CD247: variants seen among roughly 807,000 people sequenced by gnomAD.
The protein encoded by CD247 is T-cell surface glycoprotein CD3 zeta chain.
In CD247, 13 loss-of-function variants were observed where a neutral mutation model predicts 30.0. The ratio of observed to expected loss-of-function variants is 0.43; its 90% CI spans 0.28 to 0.69. CD247 has a LOEUF of 0.69. Among genes scored for constraint, CD247 ranks in the 30% least tolerant of loss-of-function variants. CD247 has a pLI of 0.16. For synonymous variants in CD247, 72 were observed against 80.0 expected, an observed-to-expected ratio of 0.90 and a Z score of 0.53; for missense variants, 193 against 212.6, an observed-to-expected ratio of 0.91 and a Z score of 0.57.
chr1:167,489,848 G>A (rs1034571356), intron 1 of CD247, among the ~76,000 whole-genome samples: 1 of 152,148 alleles, frequency 6.6e-6, no homozygotes, highest in Non-Finnish European at 1.5e-5. Context: ...ATGCATTTGC[G>A]CCTTCAAAAG....
intron 1 of CD247, among the ~76,000 whole-genome samples, chr1:167,466,880 C>T (rs1450235458): frequency 6.6e-6 from 1 of 151,560 alleles, no homozygotes; most frequent in Non-Finnish European, 1.5e-5. Context: ...CGCTCTGTCG[C>T]CCAGGCTGGA....
intron 1 of CD247, among the ~76,000 whole-genome samples, chr1:167,501,053 CTTTTTT>C (rs569489236): frequency 2.4e-5 from 3 of 124,360 alleles, no homozygotes; most frequent in Non-Finnish European, 5.1e-5. Context: ...TCCTATTGTT[CTTTTTT>C]TTTTTTTTTT....
intron 1 of CD247, among the ~76,000 whole-genome samples, chr1:167,452,825 G>A (rs1652419159): frequency 6.6e-6 from 1 of 151,898 alleles, no homozygotes; most frequent in African/African-American, 2.4e-5. Flanking sequence ...CCCAACGCCA[G>A]TGGACAAGTC....
At chr1:167,466,893 G>A (rs1475336086) in intron 1 of CD247, among the ~76,000 whole-genome samples, 2 of 151,536 alleles carry the variant, frequency 1.3e-5, no homozygotes, top group African/African-American at 4.9e-5. Context: ...AGGCTGGAGT[G>A]CAGTGGCGCA....
At chr1:167,451,940 C>A (rs778941842) in intron 1 of CD247, among the ~76,000 whole-genome samples, 3 of 151,948 alleles carry the variant, frequency 2.0e-5, no homozygotes, top group Non-Finnish European at 4.4e-5. Context: ...AACCCCAACT[C>A]GGCCGGGTGC....
At chr1:167,463,405 C>T (rs1558009637) in intron 1 of CD247, among the ~76,000 whole-genome samples, 1 of 152,152 alleles carries the variant, frequency 6.6e-6, no homozygotes, top group Non-Finnish European at 1.5e-5. Flanking sequence ...ACCTAAAGCC[C>T]CTCATATCTG....
chr1:167,459,242 T>C (rs947887978), intron 1 of CD247, among the ~76,000 whole-genome samples: 1 of 152,140 alleles, frequency 6.6e-6, no homozygotes, highest in African/African-American at 2.4e-5. Context: ...CCTTTAGATA[T>C]GTTTTCAGGT....
intron 1 of CD247, among the ~76,000 whole-genome samples, chr1:167,464,668 G>A (rs1653162142): frequency 6.6e-6 from 1 of 152,134 alleles, no homozygotes; most frequent in African/African-American, 2.4e-5. Flanking sequence ...GGGGAAACAG[G>A]GTGAGTAGAA....
intron 1 of CD247, among the ~76,000 whole-genome samples, chr1:167,461,772 T>C (rs910373890): frequency 6.6e-6 from 1 of 151,886 alleles, no homozygotes; most frequent in Non-Finnish European, 1.5e-5. Flanking sequence ...CGCTTGAACC[T>C]GGGAGGCAGA....
rs373120668 is a variant in CD247 at position 167,435,448 on chromosome 1, C to T, written c.301-14G>A. ...CTTCCTTCTCTGCTAGGAAAGACAACGGGAAGACGTTAGAGGGAGAGAAAC... is the reference window on the plus strand; with the variant it reads ...CTTCCTTCTCTGCTAGGAAAGACAATGGGAAGACGTTAGAGGGAGAGAAAC... On this transcript the variant is annotated splice_polypyrimidine_tract_variant and intron_variant, in intron 4 of 7. Transcript: ENST00000362089. 219 of 1,609,262 alleles carry T rather than the reference C, an allele frequency of 1.4e-4. No individual in the cohort carries two copies. The African/African-American group carries it at 2.6e-3, about 19-fold the overall frequency.
In CD247 at chr1:167,431,733, G is replaced by T. The variant is rs762773775; in HGVS notation, c.443C>A (p.Ala148Asp). Residue 148 changes from alanine (A) to aspartate (D), a missense_variant, in exon 8 of 8, where the codon GCC (alanine) becomes GAC (aspartate). Coordinates refer to ENST00000362089, the MANE Select transcript of CD247 (RefSeq NM_198053.3). ...AAGGGCGTCGTAGGTGTCCTTGGTG[G>T]CTGTACTGAGACCCTGGCGTGAAAG... is the stretch of plus-strand genomic sequence containing the variant. ...HDGLYQGLST[A>D]TKDTYDALHM... is the part of the protein sequence containing the mutation. The T allele has an allele frequency of 6.2e-7, 1 of 1,613,990 alleles. No homozygotes were observed. Among genetic ancestry groups the T allele is most frequent in the East Asian group, 2.2e-5 (1 of 44,866 alleles).
intron 1 of CD247, among the ~76,000 whole-genome samples, chr1:167,479,567 C>G (rs963551866): frequency 6.6e-6 from 1 of 152,168 alleles, no homozygotes; most frequent in Admixed American, 6.5e-5. Context: ...CCCAGGAGTT[C>G]AGGTTTGTTT....
intron 1 of CD247, among the ~76,000 whole-genome samples, chr1:167,459,144 A>T (rs1035826791): frequency 6.6e-6 from 1 of 150,710 alleles, no homozygotes; most frequent in African/African-American, 2.4e-5. Flanking sequence ...CAAAAATTTT[A>T]AAAAAAAAAA....
intron 1 of CD247, among the ~76,000 whole-genome samples, chr1:167,490,249 C>A (rs568955243): frequency 2.6e-5 from 4 of 152,334 alleles, no homozygotes; most frequent in African/African-American, 9.6e-5. Flanking sequence ...CTCCACCTTC[C>A]CCGTCATCTG....
rs1260981342 is a variant in CD247, at chr1:167,494,398, G to T, written c.58+24010C>A. 6.6e-6 allele frequency among the ~76,000 whole-genome samples: 1 copy of T among 152,124 alleles called. No homozygotes were observed. Among genetic ancestry groups the T allele is most frequent in the Admixed American group, 6.6e-5 (1 of 15,262 alleles). On this transcript the variant is annotated intron_variant, in intron 1 of 7. Transcript: ENST00000362089. This position sits in a 1 kb window ranked among gnomAD's most constrained non-coding sequence, Gnocchi z 7.3. ...GACTGTTGGGTTGACTTGGATTTGG[G>T]GTCAATAAACATAGCGGCTCCACTA...
intron 1 of CD247, among the ~76,000 whole-genome samples, chr1:167,505,705 G>C (rs1019156686): frequency 6.6e-6 from 1 of 152,262 alleles, no homozygotes; most frequent in Non-Finnish European, 1.5e-5. Context: ...ACCAAGGTAG[G>C]CTTCTCAGCA....
At chr1:167,464,024 A>T (rs1184865703) in intron 1 of CD247, among the ~76,000 whole-genome samples, 1 of 152,222 alleles carries the variant, frequency 6.6e-6, no homozygotes, top group East Asian at 1.9e-4. Context: ...CTAATAAGAC[A>T]CATGCCTTTA....
At chr1:167,512,028 C>A (rs563566436) in intron 1 of CD247, among the ~76,000 whole-genome samples, 2 of 152,202 alleles carry the variant, frequency 1.3e-5, no homozygotes, top group African/African-American at 4.8e-5. Context: ...TGTTCTAATG[C>A]TTTCTATTTA....
At chr1:167,506,887 C>T (rs902475817) in intron 1 of CD247, among the ~76,000 whole-genome samples, 1 of 142,206 alleles carries the variant, frequency 7.0e-6, no homozygotes. Context: ...TGTATGTTCC[C>T]TCTGATTTTT....
Sources: allele counts gnomAD v4.1 joint callset (sites outside exome capture counted in the v4.1 genomes callset), GRCh38; gene constraint gnomAD v4.1.1; non-coding constraint Gnocchi (gnomAD v3.1); transcripts MANE v1.5; gene names NCBI Gene and HGNC (gene_info 2026-07-23, HGNC 2026-07-21).